KAZN: variants seen among roughly 807,000 people sequenced by gnomAD.
The protein encoded by KAZN is kazrin, periplakin interacting protein.
In KAZN, 40 loss-of-function variants were observed where a neutral mutation model predicts 87.4. That is an observed-to-expected ratio of 0.46 (90% CI 0.36 to 0.60). The LOEUF is 0.60. Ranked by LOEUF, KAZN falls within the 20% of genes least tolerant of loss-of-function variation. KAZN has a pLI of 0.00. For synonymous variants in KAZN, 466 were observed against 458.3 expected, an observed-to-expected ratio of 1.02 and a Z score of -0.22; for missense variants, 898 against 1,073.9, an observed-to-expected ratio of 0.84 and a Z score of 2.29.
intron 2 of KAZN, among the ~76,000 whole-genome samples, chr1:14,518,650 C>T (rs12145915): frequency 0.21 from 31,566 of 152,054 alleles, 3,922 homozygotes; most frequent in Non-Finnish European, 0.28. Flanking sequence ...TGACAGTGCT[C>T]GTAGGAGCTC....
chr1:14,461,941 C>G (rs113999781), intron 2 of KAZN, among the ~76,000 whole-genome samples: 1 of 151,714 alleles, frequency 6.6e-6, no homozygotes, highest in Non-Finnish European at 1.5e-5. Flanking sequence ...TATGAATTCT[C>G]TCCTGGGTGA....
chr1:13,994,012 C>A (rs1639400546), intron 1 of KAZN, among the ~76,000 whole-genome samples: 1 of 152,194 alleles, frequency 6.6e-6, no homozygotes, highest in Admixed American at 6.5e-5. Flanking sequence ...GGAATGAAGT[C>A]TGAATTTTTA....
intron 1 of KAZN, among the ~76,000 whole-genome samples, chr1:13,995,338 C>G (rs915033471): frequency 6.6e-6 from 1 of 152,006 alleles, no homozygotes; most frequent in East Asian, 1.9e-4. Flanking sequence ...ATCTCTCATG[C>G]ATAAACTTGG....
In KAZN at chr1:15,099,758, G is replaced by T. The variant is rs887310179; in HGVS notation, c.1548-1785G>T. On this transcript the variant is annotated intron_variant, in intron 10 of 14. Coordinates refer to ENST00000376030, the MANE Select transcript of KAZN (RefSeq NM_201628.3). The surrounding 1 kb of genome is among the most constrained non-coding windows in gnomAD (Gnocchi z 5.4). ...TGACATTTTAAAAGGACCCCCTGGT[G>T]GTCCTGGGGGATGCGGAATAGAAGG... 6.6e-6 allele frequency among the ~76,000 whole-genome samples: 1 copy of T among 152,166 alleles called. No homozygotes were observed. The highest frequency in any genetic ancestry group is 1.5e-5 in the Non-Finnish European group (1 of 68,030).
At chr1:13,944,700 C>G (rs1011390443) in intron 1 of KAZN, among the ~76,000 whole-genome samples, 9 of 152,002 alleles carry the variant, frequency 5.9e-5, no homozygotes, top group African/African-American at 2.2e-4. Context: ...GTCATTATCT[C>G]TATGGTAACC....
intron 1 of KAZN, among the ~76,000 whole-genome samples, chr1:14,069,172 T>C (rs1643140707): frequency 6.6e-6 from 1 of 152,146 alleles, no homozygotes; most frequent in Admixed American, 6.5e-5. Context: ...GGAGCTAATA[T>C]GGGTAAAGAG....
intron 1 of KAZN, among the ~76,000 whole-genome samples, chr1:14,874,126 C>G (rs1652483342): frequency 6.6e-6 from 1 of 152,106 alleles, no homozygotes. Context: ...TGGTCATATC[C>G]ATTTGGGAAT....
At chr1:15,008,581 C>A (rs1340900648) in intron 2 of KAZN, among the ~76,000 whole-genome samples, 2 of 152,234 alleles carry the variant, frequency 1.3e-5, no homozygotes, top group African/African-American at 2.4e-5. Flanking sequence ...ACCCTTTAAA[C>A]CCCTCTGGAA....
At chr1:14,092,369 G>T (rs1302270183) in intron 1 of KAZN, among the ~76,000 whole-genome samples, 2 of 150,570 alleles carry the variant, frequency 1.3e-5, no homozygotes, top group African/African-American at 4.9e-5. Context: ...GGGATTATAG[G>T]CGTGAGCCAC....
At chr1:14,006,713 C>A (rs539923277) in intron 1 of KAZN, among the ~76,000 whole-genome samples, 19 of 152,168 alleles carry the variant, frequency 1.2e-4, no homozygotes, top group African/African-American at 4.6e-4. Flanking sequence ...TATGCCAGTA[C>A]CATCCTGTTT....
At chr1:14,442,824 T>C (rs72645929) in intron 2 of KAZN, among the ~76,000 whole-genome samples, 4,089 of 152,328 alleles carry the variant, frequency 0.027, 70 homozygotes, top group Middle Eastern at 0.065. Context: ...AAAGCAAAAG[T>C]GGTCTTGTTC....
intron 1 of KAZN, among the ~76,000 whole-genome samples, chr1:13,932,283 C>T (rs1292260583): frequency 8.3e-6 from 1 of 121,050 alleles, no homozygotes; most frequent in Non-Finnish European, 1.6e-5. Flanking sequence ...TTTTTTGAGA[C>T]GGAGTCTCGC....
At chr1:14,867,745 A>C (rs1651652244) in intron 1 of KAZN, among the ~76,000 whole-genome samples, 1 of 70,780 alleles carries the variant, frequency 1.4e-5, no homozygotes, top group Non-Finnish European at 2.6e-5. Flanking sequence ...CACCCTGGGC[A>C]TGGAGGCATT....
intron 1 of KAZN, among the ~76,000 whole-genome samples, chr1:14,699,431 C>T (rs560278686): frequency 6.6e-6 from 1 of 152,216 alleles, no homozygotes; most frequent in Non-Finnish European, 1.5e-5. Context: ...GAGCATTATG[C>T]CCGGCCTTAG....
At chr1:15,044,882 G>A (rs960941780) in intron 4 of KAZN, among the ~76,000 whole-genome samples, 3 of 152,112 alleles carry the variant, frequency 2.0e-5, no homozygotes, top group South Asian at 4.1e-4. Flanking sequence ...TTGTTTATTG[G>A]CCTCTTTTCA....
At chr1:15,103,334 G>A (rs1050580609) in intron 11 of KAZN, 25 bp from the exon 12 acceptor site, 9 of 1,538,010 alleles carry the variant, frequency 5.9e-6, no homozygotes, top group African/African-American at 2.7e-5. Context: ...TTGTCCCTCC[G>A]AATGACCCAC....
chr1:14,102,685 A>G (rs1570742575), intron 1 of KAZN, among the ~76,000 whole-genome samples: 4 of 152,206 alleles, frequency 2.6e-5, no homozygotes, highest in Admixed American at 2.6e-4. Context: ...AGCTCCGTGC[A>G]TCCCCGTGTA....
chr1:15,092,051 TG>T (rs1464612509), intron 8 of KAZN, among the ~76,000 whole-genome samples: 1 of 131,778 alleles, frequency 7.6e-6, no homozygotes, highest in Non-Finnish European at 1.5e-5. Context: ...TCAGAGGTTT[TG>T]TTTTTTTGTT....
intron 1 of KAZN, among the ~76,000 whole-genome samples, chr1:13,917,518 G>T (rs377614590): frequency 4.9e-4 from 74 of 152,266 alleles, no homozygotes; most frequent in African/African-American, 1.7e-3. Context: ...AAATACGGCT[G>T]GGTGTGGTGT....
Sources: allele counts gnomAD v4.1 joint callset (sites outside exome capture counted in the v4.1 genomes callset), GRCh38; gene constraint gnomAD v4.1.1; non-coding constraint Gnocchi (gnomAD v3.1); transcripts MANE v1.5; gene names NCBI Gene and HGNC (gene_info 2026-07-23, HGNC 2026-07-21).